SLC45A1: variants seen among roughly 807,000 people sequenced by gnomAD.
SLC45A1 encodes the protein proton-associated sugar transporter A.
Under a neutral mutation model 57.6 loss-of-function variants are expected in SLC45A1, and 28 were observed. That is an observed-to-expected ratio of 0.49 (90% CI 0.36 to 0.67). The LOEUF (loss-of-function observed/expected upper bound fraction) is 0.67. Among genes scored for constraint, SLC45A1 ranks in the 30% least tolerant of loss-of-function variants. The pLI is 0.00. For missense variants in SLC45A1, 814 were observed against 1,041.5 expected (o/e 0.78, Z 3.01); for synonymous variants, 459 against 471.5 (o/e 0.97, Z 0.34).
Position 8,330,111 on chromosome 1 carries a change from T to C in SLC45A1, c.716-98T>C. On this transcript the variant is annotated intron_variant, in intron 4 of 8. Transcript: ENST00000471889. The surrounding 1 kb of genome is among the most constrained non-coding windows in gnomAD (Gnocchi z 8.4). The stretch of plus-strand genomic sequence containing the variant: ...AGGTTCTGTGCCCACGTCCCTGGAA[T>C]GGCCTTGGCTACCTTCATGTCCTTC... 1 of 1,426,678 alleles carries C rather than the reference T, an allele frequency of 7.0e-7. No homozygotes were observed. The highest frequency in any genetic ancestry group is 9.6e-7 in the Non-Finnish European group (1 of 1,045,248). 88.4% of individuals were successfully genotyped at this position (1,426,678 alleles called of 1,614,324 possible).
intron 5 of SLC45A1, among the ~76,000 whole-genome samples, chr1:8,334,912 G>T (rs548189999): frequency 6.6e-6 from 1 of 152,160 alleles, no homozygotes; most frequent in South Asian, 2.1e-4. Flanking sequence ...ACCGTGGGGC[G>T]TGTCGTGTGC....
intron 2 of SLC45A1, among the ~76,000 whole-genome samples, chr1:8,324,941 C>T (rs1640151170): frequency 1.3e-5 from 2 of 152,234 alleles, no homozygotes; most frequent in East Asian, 1.9e-4. Context: ...TTAGCAGCTC[C>T]CCGAGGGCTG....
chr1:8,330,532 A>G lies in SLC45A1; in HGVS notation c.1039A>G (p.Lys347Glu). 1.9e-6 allele frequency: 3 copies of G among 1,613,298 alleles called. No individual in the cohort carries two copies. The highest frequency in any genetic ancestry group is 1.6e-4 in the Middle Eastern group (1 of 6,062). ...CTCGCCGCCCAGCCCCCTCACGCCC[A>G]AGTACGGCAGCTTCATCAGCAGGGA... The part of the protein sequence containing the change: ...PISPPSPLTP[K>E]YGSFISRDSS... The change falls in exon 5 of 9, where the codon AAG becomes GAG. Residue 347 changes from lysine to glutamate, a missense_variant. Transcript: ENST00000471889. The surrounding 1 kb of genome is among the most constrained non-coding windows in gnomAD (Gnocchi z 8.4).
rs1242300921 is a variant in SLC45A1 at position 8,327,829 on chromosome 1, A to T, written c.715+1787A>T. On this transcript the variant is annotated intron_variant, in intron 4 of 8. Coordinates refer to ENST00000471889, the MANE Select transcript of SLC45A1 (RefSeq NM_001080397.3). The surrounding 1 kb of genome is among the most constrained non-coding windows in gnomAD (Gnocchi z 4.3). ...GTGAATCACTTGAGGTCAGGCGTTC[A>T]AGACCAGCCTGGCCAACATGACAAA... Among the ~76,000 whole-genome samples, 2 of 152,148 alleles carry T rather than the reference A, an allele frequency of 1.3e-5. No homozygotes were observed. Among genetic ancestry groups the T allele is most frequent in the African/African-American group, 4.8e-5 (2 of 41,430 alleles).
rs1249171376 is a variant in SLC45A1 at position 8,326,760 on chromosome 1, C to T, written c.715+718C>T. On this transcript the variant is annotated intron_variant, in intron 4 of 8. Transcript: ENST00000471889. This position sits in a 1 kb window ranked among gnomAD's most constrained non-coding sequence, Gnocchi z 5.5. ...TTGGGAGGGTGAGGTGGGTGGATCA[C>T]CTGAGGTCGGGAGTTCGAGACCAGC... Among the ~76,000 whole-genome samples the T allele has an allele frequency of 2.6e-5, 4 of 152,176 alleles. No individual in the cohort carries two copies. The highest frequency in any genetic ancestry group is 9.7e-5 in the African/African-American group (4 of 41,446).
In SLC45A1 at chr1:8,342,908, A is replaced by AG. The variant is rs1553152024; in HGVS notation, c.1981-839_1981-838insG. 5.9e-5 allele frequency among the ~76,000 whole-genome samples: 9 copies of AG among 151,520 alleles called. No individual in the cohort carries two copies. The South Asian group carries it at 8.3e-4, about 14-fold the overall frequency. On this transcript the variant is annotated intron_variant, in intron 8 of 8. Coordinates refer to ENST00000471889, the MANE Select transcript of SLC45A1 (RefSeq NM_001080397.3). Reference sequence around the variant, plus strand: ...AGCAAGACCCTGTCTCAAAAAAAAAAAAAAGAAAAGAGAAAAGAAAGAAAG... The same window carrying AG: ...AGCAAGACCCTGTCTCAAAAAAAAAAGAAAAGAAAAGAGAAAAGAAAGAAAG...
At chr1:8,337,670 A>G (rs768316414) in intron 6 of SLC45A1, 146 bp from the exon 7 acceptor site, 18 of 660,548 alleles carry the variant, frequency 2.7e-5, no homozygotes, top group Admixed American at 1.2e-4. Context: ...CGCCCGCCTC[A>G]GCCTCCCAAA....
In SLC45A1 at chr1:8,325,754, G is replaced by A. The variant is rs148751263; in HGVS notation, c.491-64G>A. ...GTCCTAAAGATTCTAGACATAAGTC[G>A]TGAGCTGCCGGGGACAGAGCTGGTC... On this transcript the variant is annotated intron_variant, in intron 3 of 8. Transcript: ENST00000471889. This position sits in a 1 kb window ranked among gnomAD's most constrained non-coding sequence, Gnocchi z 6.3. 1.9e-3 allele frequency: 2,759 copies of A among 1,451,420 alleles called. 60 individuals are homozygous for A. In the East Asian group the frequency reaches 0.047, roughly 25 times the overall value. The allele number at this position is 1,451,420 out of a possible 1,614,324, so 89.9% of individuals were successfully genotyped here.
Position 8,343,969 on chromosome 1 carries a change from G to A in SLC45A1, c.2203G>A (p.Asp735Asn), listed in dbSNP as rs560191786. The change falls in exon 9 of 9, where the codon GAC (aspartate) becomes AAC (asparagine). Residue 735 changes from aspartate (D) to asparagine (N), a missense_variant. Transcript: ENST00000471889. This position sits in a 1 kb window ranked among gnomAD's most constrained non-coding sequence, Gnocchi z 7.7. ...LFVIYEIPPS[D>N]AADEEHRPLL... Reference sequence around the variant, plus strand: ...TGTCATTTATGAAATTCCTCCCAGCGACGCTGCAGACGAGGAGCACCGGCC... The same window carrying A: ...TGTCATTTATGAAATTCCTCCCAGCAACGCTGCAGACGAGGAGCACCGGCC... 107 of 1,613,528 alleles carry A rather than the reference G, an allele frequency of 6.6e-5. No individual in the cohort carries two copies. Among genetic ancestry groups the A allele is most frequent in the South Asian group, 6.2e-4 (56 of 91,052 alleles).
At position 8,330,485 on chromosome 1, in the gene SLC45A1, C is replaced by T. The variant is rs866309829; in HGVS notation, c.992C>T (p.Ala331Val). Residue 331 changes from alanine (A) to valine (V), a missense_variant, in exon 5 of 9, where the codon GCC becomes GTC. Transcript: ENST00000471889. This position sits in a 1 kb window ranked among gnomAD's most constrained non-coding sequence, Gnocchi z 8.4. ...GGCGACAGCCTCCCGTCGCACACGG[C>T]CACCAACTTCTCCAGCCCCATCTCG... The part of the protein sequence containing the change: ...GPGDSLPSHT[A>V]TNFSSPISPP... 2.5e-6 allele frequency: 4 copies of T among 1,612,888 alleles called. No individual in the cohort carries two copies. The highest frequency in any genetic ancestry group is 3.4e-6 in the Non-Finnish European group (4 of 1,179,904).
chr1:8,338,081 C>G, intron 7 of SLC45A1, 89 bp downstream of exon 7: 1 of 1,209,682 alleles, frequency 8.3e-7, no homozygotes, highest in Non-Finnish European at 1.2e-6. Flanking sequence ...CATGGCCTTA[C>G]GATTGCAGAC....
chr1:8,322,853 T>C (rs1290522561), intron 1 of SLC45A1, among the ~76,000 whole-genome samples: 1 of 152,180 alleles, frequency 6.6e-6, no homozygotes. Context: ...AGGTGGGCTG[T>C]GTCTGAGAGA....
rs1214613496 is a variant in SLC45A1, at chr1:8,337,954, G to A, written c.1736G>A (p.Gly579Asp). ...AGCGGCGTGACCATGGGCTGCTGGG[G>A]CATGTGTATCTACGCCTTCAGTGCT... ...YNSGVTMGCW[G>D]MCIYAFSAAF... The change falls in exon 7 of 9, where the codon GGC becomes GAC. Residue 579 changes from glycine to aspartate, a missense_variant. Coordinates refer to ENST00000471889, the MANE Select transcript of SLC45A1 (RefSeq NM_001080397.3). The A allele has an allele frequency of 6.2e-7, 1 of 1,614,072 alleles. No homozygotes were observed. The highest frequency in any genetic ancestry group is 1.3e-5 in the African/African-American group (1 of 74,928).
intron 7 of SLC45A1, 104 bp downstream of exon 7, chr1:8,338,096 C>T (rs758147937): frequency 7.5e-5 from 81 of 1,079,674 alleles, no homozygotes; most frequent in Non-Finnish European, 1.0e-4. Context: ...GCAGACACCA[C>T]ATCCCAATTT....
In SLC45A1 at chr1:8,328,782, T is replaced by C. The variant is rs1028125912; in HGVS notation, c.716-1427T>C. 6.6e-6 allele frequency among the ~76,000 whole-genome samples: 1 copy of C among 152,152 alleles called. No homozygotes were observed. The highest frequency in any genetic ancestry group is 6.5e-5 in the Admixed American group (1 of 15,274). The stretch of plus-strand genomic sequence containing the variant: ...TGAGCCCAGGAGGAGGAGGTGGCAG[T>C]GAGCTGAGATGGTGCTGCTGCACTC... On this transcript the variant is annotated intron_variant, in intron 4 of 8. Coordinates refer to ENST00000471889, the MANE Select transcript of SLC45A1 (RefSeq NM_001080397.3). The surrounding 1 kb of genome is among the most constrained non-coding windows in gnomAD (Gnocchi z 4.6).
At position 8,325,215 on chromosome 1, in the gene SLC45A1, C is replaced by A. The variant is rs1640158106; in HGVS notation, c.398-83C>A. 6 of 829,774 alleles carry A rather than the reference C, an allele frequency of 7.2e-6. No individual in the cohort carries two copies. In the South Asian group the frequency reaches 8.4e-5, roughly 12 times the overall value. 51.4% of individuals were successfully genotyped at this position (829,774 alleles called of 1,614,324 possible). A position where few individuals can be genotyped will look rare whatever the true frequency, so the allele number is the denominator to read the frequency against. On this transcript the variant is annotated intron_variant, in intron 2 of 8. Coordinates refer to ENST00000471889, the MANE Select transcript of SLC45A1 (RefSeq NM_001080397.3). This position sits in a 1 kb window ranked among gnomAD's most constrained non-coding sequence, Gnocchi z 6.3. ...TGCACTGGGGGTGTTTGAGAGCAGG[C>A]ACTTCAGGAATGTGGAGGCTGATTC...
At chr1:8,331,273 T>A (rs1640398920) in intron 5 of SLC45A1, among the ~76,000 whole-genome samples, 1 of 149,622 alleles carries the variant, frequency 6.7e-6, no homozygotes, top group Admixed American at 6.7e-5. Flanking sequence ...AAAACACTTT[T>A]AAAAAATATT....
rs994568391 is a variant in SLC45A1, at chr1:8,344,156, C to T, written c.*143C>T. On this transcript the variant is annotated 3_prime_UTR_variant, in exon 9 of 9. Transcript: ENST00000471889. ...TATGTGATAAAATAATAAATGACAG[C>T]GGCAAAGCCTATGGTTTCTAGGCAT... 1.8e-5 allele frequency: 14 copies of T among 784,902 alleles called. No homozygotes were observed. The highest frequency in any genetic ancestry group is 1.4e-4 in the East Asian group (5 of 35,686). The allele number at this position is 784,902 out of a possible 1,614,324, so 48.6% of individuals were successfully genotyped here. A position where few individuals can be genotyped will look rare whatever the true frequency, so the allele number is the denominator to read the frequency against.
rs1470241427 is a variant in SLC45A1 at position 8,326,353 on chromosome 1, C to T, written c.715+311C>T. On this transcript the variant is annotated intron_variant, in intron 4 of 8. Transcript: ENST00000471889. The surrounding 1 kb of genome is among the most constrained non-coding windows in gnomAD (Gnocchi z 5.5). ...CACTGAATTAGCAAACACCGCATCT[C>T]GCTCCTAGGAAAAATACAGGGTTAG... 1.3e-5 allele frequency among the ~76,000 whole-genome samples: 2 copies of T among 152,308 alleles called. No homozygotes were observed. The highest frequency in any genetic ancestry group is 2.1e-4 in the South Asian group (1 of 4,818).
Sources: gnomAD v4.1 joint callset for allele counts (sites outside exome capture counted in the v4.1 genomes callset) on GRCh38, gnomAD v4.1.1 for gene constraint, Gnocchi (gnomAD v3.1) non-coding constraint, MANE v1.5 for transcripts, NCBI Gene and HGNC (gene_info 2026-07-23, HGNC 2026-07-21) for gene names.